The following NOS1 variants were observed in gnomAD, a reference collection of about 807,000 sequenced individuals.
NOS1 encodes the protein nitric oxide synthase 1.
Under a neutral mutation model 164.5 loss-of-function variants are expected in NOS1, and 51 were observed. That is an observed-to-expected ratio of 0.31 (90% CI 0.25 to 0.39). The LOEUF is 0.39. NOS1 is among the 10% of genes least tolerant of loss of function. The pLI is 1.00. For missense variants in NOS1, 1,362 were observed against 1,885.6 expected (o/e 0.72, Z 5.14); for synonymous variants, 719 against 745.8 (o/e 0.96, Z 0.59).
At chr12:117,267,086 T>C (rs1036503666) in intron 11 of NOS1, among the ~76,000 whole-genome samples, 7 of 152,208 alleles carry the variant, frequency 4.6e-5, no homozygotes, top group African/African-American at 1.7e-4. Flanking sequence ...CATGGCTTGA[T>C]TTAACACATT....
intron 22 of NOS1, among the ~76,000 whole-genome samples, chr12:117,229,884 C>T (rs561773393): frequency 3.0e-4 from 46 of 152,188 alleles, no homozygotes; most frequent in African/African-American, 1.1e-3. Flanking sequence ...CCACTGTGCC[C>T]GGCCTATTTA....
At position 117,330,506 on chromosome 12, in the gene NOS1, C is replaced by T. The variant is rs547213477; in HGVS notation, c.564G>A (p.Ala188=). 25 of 1,613,940 alleles carry T rather than the reference C, an allele frequency of 1.5e-5. No homozygotes were observed. The highest frequency in any genetic ancestry group is 1.4e-4 in the South Asian group (13 of 91,090). ...LAPRPPGQDP[A]KKATRVSLQG... Reference sequence around the variant, plus strand: ...GGAGGCTGACTCTGGTTGCTTTCTTCGCGGGGTCCTGGCCTGGGGGCCTGG... The same window carrying T: ...GGAGGCTGACTCTGGTTGCTTTCTTTGCGGGGTCCTGGCCTGGGGGCCTGG... The change falls in exon 2 of 29, where the codon GCG becomes GCA. Residue 188 remains alanine (A), a synonymous_variant. Coordinates refer to ENST00000317775, the MANE Select transcript of NOS1 (RefSeq NM_000620.5). This position sits in a 1 kb window ranked among gnomAD's most constrained non-coding sequence, Gnocchi z 4.6.
chr12:117,321,518 G>T (rs1040069974), intron 2 of NOS1, among the ~76,000 whole-genome samples: 2 of 152,116 alleles, frequency 1.3e-5, no homozygotes, highest in Non-Finnish European at 2.9e-5. Context: ...ATAAAGGGCT[G>T]GGTACCCACC....
intron 22 of NOS1, among the ~76,000 whole-genome samples, chr12:117,229,562 T>C (rs985550943): frequency 1.3e-5 from 2 of 149,284 alleles, no homozygotes; most frequent in African/African-American, 5.0e-5. Context: ...TATCAAATTC[T>C]TCTATCTATC....
Position 117,215,149 on chromosome 12 carries a change from C to T in NOS1, c.*160G>A, listed in dbSNP as rs950945485. 1.9e-5 allele frequency: 25 copies of T among 1,321,688 alleles called. No individual in the cohort carries two copies. Among genetic ancestry groups the T allele is most frequent in the South Asian group, 1.2e-4 (4 of 33,696 alleles). 81.9% of individuals were successfully genotyped at this position (1,321,688 alleles called of 1,614,324 possible). ...ACTCAAGGAGTAAACCCAGGAGGGCCGAGGAAACCACTGAGGGGCGAGAAG... is the reference window on the plus strand; with the variant it reads ...ACTCAAGGAGTAAACCCAGGAGGGCTGAGGAAACCACTGAGGGGCGAGAAG... On this transcript the variant is annotated 3_prime_UTR_variant, in exon 29 of 29. Coordinates refer to ENST00000317775, the MANE Select transcript of NOS1 (RefSeq NM_000620.5).
chr12:117,224,913 G>A (rs1321106785), intron 25 of NOS1, 103 bp downstream of exon 25: 2 of 1,474,274 alleles, frequency 1.4e-6, no homozygotes, highest in Non-Finnish European at 1.9e-6. Context: ...AGGCGGTGAT[G>A]CCGTGGAGAG....
At chr12:117,339,356 G>C (rs1310057592) in intron 1 of NOS1, among the ~76,000 whole-genome samples, 1 of 152,308 alleles carries the variant, frequency 6.6e-6, no homozygotes, top group Middle Eastern at 3.4e-3. Flanking sequence ...TTACAAGCAC[G>C]AGCATTAATG....
chr12:117,358,095 C>A (rs1244492685), intron 1 of NOS1, among the ~76,000 whole-genome samples: 2 of 152,218 alleles, frequency 1.3e-5, no homozygotes, highest in Non-Finnish European at 2.9e-5. Flanking sequence ...CACATGAAGT[C>A]TTGTCATAAG....
rs374702369 is a variant in NOS1, at chr12:117,231,927, C to A, written c.3405+35G>T. 21 of 1,584,472 alleles carry A rather than the reference C, an allele frequency of 1.3e-5. No individual in the cohort carries two copies. The African/African-American group carries it at 2.6e-4, about 19-fold the overall frequency. On this transcript the variant is annotated intron_variant, in intron 22 of 28. Transcript: ENST00000317775. Reference sequence around the variant, plus strand: ...TCTTTAATGACGAGGAGGTGAAATGCGCCCCCTAGGGTTGTGCGAAGCCTG... The same window carrying A: ...TCTTTAATGACGAGGAGGTGAAATGAGCCCCCTAGGGTTGTGCGAAGCCTG...
At chr12:117,267,724 T>G (rs1872525380) in intron 11 of NOS1, among the ~76,000 whole-genome samples, 1 of 152,192 alleles carries the variant, frequency 6.6e-6, no homozygotes, top group Admixed American at 6.5e-5. Flanking sequence ...TTGTCTCTGT[T>G]ATGTGATAGT....
At chr12:117,265,734 C>G (rs1288531341) in intron 11 of NOS1, among the ~76,000 whole-genome samples, 1 of 151,990 alleles carries the variant, frequency 6.6e-6, no homozygotes, top group Admixed American at 6.6e-5. Context: ...CCTTTCGTGT[C>G]GATCTTGCCA....
At chr12:117,359,922 A>C (rs1396122452) in intron 1 of NOS1, among the ~76,000 whole-genome samples, 1 of 83,814 alleles carries the variant, frequency 1.2e-5, no homozygotes, top group Admixed American at 1.2e-4. Flanking sequence ...ATATATATAT[A>C]TATATATATA....
rs769603989 is a variant in NOS1 at position 117,356,417 on chromosome 12, C to T, written c.-421+5095G>A. Among the ~76,000 whole-genome samples, 13 of 152,208 alleles carry T rather than the reference C, an allele frequency of 8.5e-5. No homozygotes were observed. Among genetic ancestry groups the T allele is most frequent in the Non-Finnish European group, 1.9e-4 (13 of 68,042 alleles). Reference sequence around the variant, plus strand: ...TGCTACCTCCTCTGAGAAGTCCTCCCTGATTCCTTCAACCACCTGTCCTGG... The same window carrying T: ...TGCTACCTCCTCTGAGAAGTCCTCCTTGATTCCTTCAACCACCTGTCCTGG... On this transcript the variant is annotated intron_variant, in intron 1 of 28. Coordinates refer to ENST00000317775, the MANE Select transcript of NOS1 (RefSeq NM_000620.5). This position sits in a 1 kb window ranked among gnomAD's most constrained non-coding sequence, Gnocchi z 4.2.
At chr12:117,235,702 C>T (rs1019292898) in intron 20 of NOS1, among the ~76,000 whole-genome samples, 2 of 152,188 alleles carry the variant, frequency 1.3e-5, no homozygotes, top group Admixed American at 6.5e-5. Context: ...AATCCAACAG[C>T]TTTCAATAAT....
At chr12:117,220,388 T>A in intron 26 of NOS1, 119 bp from the exon 27 acceptor site, 1 of 957,750 alleles carries the variant, frequency 1.0e-6, no homozygotes, top group Admixed American at 2.5e-5. Flanking sequence ...GGATCTTTTG[T>A]GAGCTGATCC....
intron 3 of NOS1, among the ~76,000 whole-genome samples, chr12:117,297,775 G>T (rs1378990119): frequency 2.0e-5 from 3 of 152,126 alleles, no homozygotes; most frequent in African/African-American, 7.2e-5. Context: ...TAGGCAAGAA[G>T]ACAGAAACTC....
intron 1 of NOS1, among the ~76,000 whole-genome samples, chr12:117,344,420 A>G (rs887267781): frequency 2.6e-5 from 4 of 152,336 alleles, no homozygotes; most frequent in East Asian, 1.9e-4. Context: ...GAGCATTTTT[A>G]TATGTAAGCA....
chr12:117,357,941 G>C (rs1340878293), intron 1 of NOS1, among the ~76,000 whole-genome samples: 1 of 152,142 alleles, frequency 6.6e-6, no homozygotes, highest in Non-Finnish European at 1.5e-5. Flanking sequence ...ATTAAAATGG[G>C]TCCTGAAATG....
chr12:117,294,768 G>A (rs938832802), intron 3 of NOS1, among the ~76,000 whole-genome samples: 2 of 152,140 alleles, frequency 1.3e-5, no homozygotes, highest in African/African-American at 2.4e-5. Flanking sequence ...CTGGCTTTAT[G>A]TCTGTGGTGG....
Sources: allele counts gnomAD v4.1 joint callset (sites outside exome capture counted in the v4.1 genomes callset), GRCh38; gene constraint gnomAD v4.1.1; non-coding constraint Gnocchi (gnomAD v3.1); transcripts MANE v1.5; gene names NCBI Gene and HGNC (gene_info 2026-07-23, HGNC 2026-07-21).